The following MTHFD1L variants were observed in gnomAD, a reference collection of about 807,000 sequenced individuals.
The protein encoded by MTHFD1L is methylenetetrahydrofolate dehydrogenase (NADP+ dependent) 1 like, also known as monofunctional C1-tetrahydrofolate synthase, mitochondrial.
In MTHFD1L, 81 loss-of-function variants were observed where a neutral mutation model predicts 119.5. The observed-to-expected ratio is 0.68, with a 90% CI of 0.57 to 0.82. The LOEUF (loss-of-function observed/expected upper bound fraction) is 0.82. MTHFD1L is among the 40% of genes least tolerant of loss of function. The pLI, the probability that MTHFD1L is intolerant of heterozygous loss-of-function variation, is 0.00. For missense variants in MTHFD1L, 1,125 were observed against 1,253.4 expected, an observed-to-expected ratio of 0.90 and a Z score of 1.55; for synonymous variants, 430 against 475.2, an observed-to-expected ratio of 0.90 and a Z score of 1.24.
chr6:151,036,427 A>G (rs1164876696), intron 25 of MTHFD1L, among the ~76,000 whole-genome samples: 2 of 152,222 alleles, frequency 1.3e-5, no homozygotes, highest in Non-Finnish European at 2.9e-5. Flanking sequence ...TGGGTCAGAC[A>G]TAGACTTTGG....
intron 26 of MTHFD1L, among the ~76,000 whole-genome samples, chr6:151,067,570 C>T (rs1023571409): frequency 2.6e-5 from 4 of 152,166 alleles, no homozygotes; most frequent in East Asian, 1.9e-4. Context: ...GTGATCCACC[C>T]GCCTTGGCCT....
intron 16 of MTHFD1L, among the ~76,000 whole-genome samples, chr6:150,951,283 C>T (rs978458349): frequency 7.9e-5 from 12 of 151,968 alleles, no homozygotes; most frequent in South Asian, 2.1e-4. Flanking sequence ...CTTCCTGCCT[C>T]GGCCTCCCAA....
chr6:151,080,449 C>A (rs1351543513), intron 26 of MTHFD1L, among the ~76,000 whole-genome samples: 1 of 152,124 alleles, frequency 6.6e-6, no homozygotes, highest in East Asian at 1.9e-4. Context: ...ACAGCTGTGC[C>A]CACCTGGTCC....
intron 24 of MTHFD1L, among the ~76,000 whole-genome samples, chr6:151,030,931 A>C (rs146483831): frequency 6.6e-6 from 1 of 152,230 alleles, no homozygotes; most frequent in East Asian, 1.9e-4. Flanking sequence ...CTGTAATCCC[A>C]GCAACCTGGG....
intron 20 of MTHFD1L, among the ~76,000 whole-genome samples, chr6:150,981,620 GT>G (rs1267351149): frequency 6.6e-6 from 1 of 152,202 alleles, no homozygotes; most frequent in African/African-American, 2.4e-5. Context: ...CAGAGTCTCT[GT>G]CCCAAGTACT....
At chr6:150,972,271 A>T in intron 20 of MTHFD1L, among the ~76,000 whole-genome samples, 1 of 152,202 alleles carries the variant, frequency 6.6e-6, no homozygotes, top group East Asian at 1.9e-4. Context: ...TATCAAGTAC[A>T]TATGGGTTTG....
Position 151,092,463 on chromosome 6 carries a change from C to A in MTHFD1L, c.2848-4C>A. ...AATCTGTAACGCTTGGTTTTCTCCC[C>A]CAGATGAGCACCATGCCAGGACTGC... On this transcript the variant is annotated splice_polypyrimidine_tract_variant and splice_region_variant and intron_variant, in intron 26 of 27. Coordinates refer to ENST00000367321, the MANE Select transcript of MTHFD1L (RefSeq NM_015440.5). 1 of 1,609,052 alleles carries A rather than the reference C, an allele frequency of 6.2e-7. No individual in the cohort carries two copies. Among genetic ancestry groups the A allele is most frequent in the South Asian group, 1.1e-5 (1 of 89,562 alleles).
intron 8 of MTHFD1L, among the ~76,000 whole-genome samples, chr6:150,914,107 G>A (rs1371312738): frequency 6.6e-6 from 1 of 152,122 alleles, no homozygotes; most frequent in Non-Finnish European, 1.5e-5. Flanking sequence ...TCCAGCCTGG[G>A]CGACAGAGCA....
At position 150,876,088 on chromosome 6, in the gene MTHFD1L, A is replaced by G. The variant is rs778648997; in HGVS notation, c.228-2A>G. On this transcript the variant is annotated splice_acceptor_variant, in intron 1 of 27. Coordinates refer to ENST00000367321, the MANE Select transcript of MTHFD1L (RefSeq NM_015440.5). LOFTEE classifies it high-confidence loss of function. ...ACAATGTTGTTTTCTTTCTCAATGTAGAGAAGTCATTCAGAATTCAAAAGA... is the reference window on the plus strand; with the variant it reads ...ACAATGTTGTTTTCTTTCTCAATGTGGAGAAGTCATTCAGAATTCAAAAGA... 2.5e-6 allele frequency: 4 copies of G among 1,594,438 alleles called. No individual in the cohort carries two copies. Among genetic ancestry groups the G allele is most frequent in the Admixed American group, 1.7e-5 (1 of 59,318 alleles).
intron 10 of MTHFD1L, among the ~76,000 whole-genome samples, chr6:150,923,544 C>CTTTTTTT (rs61415562): frequency 3.0e-4 from 16 of 53,240 alleles, no homozygotes; most frequent in African/African-American, 8.9e-4. Flanking sequence ...TTTATTTTTT[C>CTTTTTTT]TTTTTTTTTT....
intron 15 of MTHFD1L, among the ~76,000 whole-genome samples, chr6:150,947,317 A>T (rs758312000): frequency 1.9e-4 from 29 of 151,014 alleles, no homozygotes; most frequent in Admixed American, 4.6e-4. Context: ...CTGGTCTCGA[A>T]CTCCTGACCT....
At chr6:150,870,257 T>A (rs1415032066) in intron 1 of MTHFD1L, among the ~76,000 whole-genome samples, 1 of 152,238 alleles carries the variant, frequency 6.6e-6, no homozygotes, top group Non-Finnish European at 1.5e-5. Flanking sequence ...TGAAAATCTC[T>A]GATTAGAAAC....
chr6:150,904,053 T>C (rs1785494224), intron 7 of MTHFD1L, among the ~76,000 whole-genome samples: 1 of 152,170 alleles, frequency 6.6e-6, no homozygotes, highest in Admixed American at 6.5e-5. Flanking sequence ...TGTCATGGGT[T>C]TGCTCCCATT....
rs758287809 is a variant in MTHFD1L at position 151,015,537 on chromosome 6, T to A, written c.2430T>A (p.Ile810=). The change falls in exon 24 of 28, where the codon ATT becomes ATA. Residue 810 remains isoleucine, a synonymous_variant. Coordinates refer to ENST00000367321, the MANE Select transcript of MTHFD1L (RefSeq NM_015440.5). ...CTAGGACCGACACCCGCGCTGAGAT[T>A]GACTTGGTGTGTGAGCTTGCAAAGC... ...NVFKTDTRAE[I]DLVCELAKRA... is the part of the protein sequence containing the mutation. The A allele has an allele frequency of 6.2e-7, 1 of 1,612,884 alleles. No individual in the cohort carries two copies. The highest frequency in any genetic ancestry group is 2.2e-5 in the East Asian group (1 of 44,872).
chr6:150,968,460 T>G (rs1797543748), intron 19 of MTHFD1L, among the ~76,000 whole-genome samples: 1 of 152,244 alleles, frequency 6.6e-6, no homozygotes, highest in Admixed American at 6.5e-5. Flanking sequence ...AGATGAATAC[T>G]TATTATTAGG....
chr6:150,898,851 C>A (rs201991107), intron 7 of MTHFD1L: 3 of 336,816 alleles, frequency 8.9e-6, no homozygotes, highest in South Asian at 2.5e-5. Flanking sequence ...TTATTATTTT[C>A]TTTTTCAGAC....
At chr6:150,985,651 ACT>A (rs1205136419) in intron 20 of MTHFD1L, among the ~76,000 whole-genome samples, 2 of 125,354 alleles carry the variant, frequency 1.6e-5, no homozygotes, top group South Asian at 2.7e-4. Flanking sequence ...ACAGAGTGAG[ACT>A]CTGTCTCAAA....
rs958025754 is a variant in MTHFD1L at position 150,866,649 on chromosome 6, C to T, written c.227+600C>T. ...GGAACGGCAAAGGTGGAGCCGGGCC[C>T]CCGGGACAGCCGCCGGGGGGAATCC... On this transcript the variant is annotated intron_variant, in intron 1 of 27. Coordinates refer to ENST00000367321, the MANE Select transcript of MTHFD1L (RefSeq NM_015440.5). 331 of 1,198,336 alleles carry T rather than the reference C, an allele frequency of 2.8e-4. 1 individual carries two copies. The highest frequency in any genetic ancestry group is 3.4e-4 in the Non-Finnish European group (325 of 966,670). The allele number at this position is 1,198,336 out of a possible 1,614,324, so 74.2% of individuals were successfully genotyped here.
chr6:150,956,081 G>A lies in MTHFD1L; in HGVS notation c.1803+10G>A. Reference sequence around the variant, plus strand: ...GGGCCATTACCGGCAGGTAGGTGGTGCTTTCTTCCCGGGTGTGGCTCTGTT... The same window carrying A: ...GGGCCATTACCGGCAGGTAGGTGGTACTTTCTTCCCGGGTGTGGCTCTGTT... On this transcript the variant is annotated intron_variant, in intron 17 of 27. Transcript: ENST00000367321. 6.2e-7 allele frequency: 1 copy of A among 1,611,766 alleles called. No homozygotes were observed.
Sources: allele counts gnomAD v4.1 joint callset (sites outside exome capture counted in the v4.1 genomes callset), GRCh38; gene constraint gnomAD v4.1.1; transcripts MANE v1.5; gene names NCBI Gene and HGNC (gene_info 2026-07-23, HGNC 2026-07-21).